The following IQCM variants were observed in gnomAD, a reference collection of about 807,000 sequenced individuals.
IQCM encodes the protein IQ domain-containing protein M.
A neutral mutation model predicts 57.6 loss-of-function variants in IQCM; 45 were observed. That is an observed-to-expected ratio of 0.78 (90% CI 0.62 to 1.00). IQCM has a LOEUF of 1.00. IQCM is among the 50% of genes least tolerant of loss of function. The pLI is 0.00. For synonymous variants in IQCM, 148 were observed against 158.9 expected (o/e 0.93, Z 0.51); for missense variants, 468 against 511.6 (o/e 0.91, Z 0.82).
chr4:149,567,503 C>A (rs1238226703), intron 9 of IQCM, among the ~76,000 whole-genome samples: 1 of 151,936 alleles, frequency 6.6e-6, no homozygotes, highest in Non-Finnish European at 1.5e-5. Flanking sequence ...TGTGCCACCA[C>A]ACACAGCTAA....
chr4:149,485,859 A>G (rs549864551), intron 12 of IQCM, among the ~76,000 whole-genome samples: 1 of 152,258 alleles, frequency 6.6e-6, no homozygotes, highest in South Asian at 2.1e-4. Flanking sequence ...CTTTCCAGGT[A>G]TTCAAAGAGA....
chr4:149,604,056 C>T (rs531219390), intron 8 of IQCM, among the ~76,000 whole-genome samples: 148 of 152,168 alleles, frequency 9.7e-4, no homozygotes, highest in Middle Eastern at 6.8e-3. Flanking sequence ...AAAAAGTTTT[C>T]ATAATATATA....
chr4:149,426,077 AAGAG>A (rs1734442001), intron 13 of IQCM, among the ~76,000 whole-genome samples: 1 of 151,968 alleles, frequency 6.6e-6, no homozygotes, highest in African/African-American at 2.4e-5. Flanking sequence ...AGAATATTCT[AAGAG>A]TTCTACAGCC....
At chr4:149,582,140 G>C (rs938369899) in intron 9 of IQCM, among the ~76,000 whole-genome samples, 2 of 150,468 alleles carry the variant, frequency 1.3e-5, no homozygotes, top group African/African-American at 4.9e-5. Flanking sequence ...GCCAAGCAGA[G>C]ATTAAAAATG....
intron 8 of IQCM, among the ~76,000 whole-genome samples, chr4:149,602,726 T>C (rs1754427049): frequency 6.6e-6 from 1 of 152,126 alleles, no homozygotes; most frequent in African/African-American, 2.4e-5. Context: ...AAGTTAATAA[T>C]AGCTATAATA....
intron 8 of IQCM, among the ~76,000 whole-genome samples, chr4:149,603,174 G>T (rs559275127): frequency 6.6e-6 from 1 of 152,006 alleles, no homozygotes; most frequent in Non-Finnish European, 1.5e-5. Flanking sequence ...TGGCCACTAA[G>T]TATTGTTATA....
intron 2 of IQCM, among the ~76,000 whole-genome samples, chr4:149,769,627 T>C (rs945295150): frequency 6.7e-6 from 1 of 149,490 alleles, no homozygotes; most frequent in Non-Finnish European, 1.5e-5. Flanking sequence ...AATAAAAAAA[T>C]GGAGTAGCTA....
chr4:149,704,268 A>G (rs1286364624), intron 5 of IQCM, among the ~76,000 whole-genome samples: 3 of 152,016 alleles, frequency 2.0e-5, no homozygotes, highest in African/African-American at 7.2e-5. Context: ...CTACACAATC[A>G]TGTATCATCT....
intron 7 of IQCM, among the ~76,000 whole-genome samples, chr4:149,642,962 T>C (rs1295476909): frequency 6.6e-6 from 1 of 152,118 alleles, no homozygotes; most frequent in Non-Finnish European, 1.5e-5. Flanking sequence ...TTCTAAGACA[T>C]TTATATTCAA....
chr4:149,583,326 T>A (rs149515227), intron 9 of IQCM, among the ~76,000 whole-genome samples: 1 of 151,654 alleles, frequency 6.6e-6, no homozygotes, highest in Admixed American at 6.6e-5. Context: ...TATCAATAAT[T>A]AAAGCAAATT....
At chr4:149,597,541 C>G (rs1753896336) in intron 8 of IQCM, among the ~76,000 whole-genome samples, 1 of 152,144 alleles carries the variant, frequency 6.6e-6, no homozygotes, top group Non-Finnish European at 1.5e-5. Flanking sequence ...CAGGCCCACG[C>G]CACCATGGCC....
At chr4:149,529,854 T>A (rs1579381366) in intron 12 of IQCM, among the ~76,000 whole-genome samples, 1 of 152,192 alleles carries the variant, frequency 6.6e-6, no homozygotes, top group African/African-American at 2.4e-5. Context: ...ATATAAGTCA[T>A]ATGAAGTCTC....
chr4:149,449,010 T>C (rs1736801040), intron 12 of IQCM, among the ~76,000 whole-genome samples: 1 of 151,568 alleles, frequency 6.6e-6, no homozygotes, highest in South Asian at 2.1e-4. Context: ...ACAAGGCAAA[T>C]ATATTCCAAG....
rs555277207 is a variant in IQCM at position 149,655,497 on chromosome 4, C to A, written c.565+26621G>T. 5.3e-5 allele frequency among the ~76,000 whole-genome samples: 8 copies of A among 152,170 alleles called. No homozygotes were observed. The East Asian group carries it at 1.5e-3, about 29-fold the overall frequency. ...AAGAAGATCAGGCAAGATGTGTTTT[C>A]AGATAATAAAACATTTGTCTTTATG... On this transcript the variant is annotated intron_variant, in intron 7 of 13. Transcript: ENST00000636793.
intron 12 of IQCM, among the ~76,000 whole-genome samples, chr4:149,439,710 TTAA>T (rs1375857790): frequency 2.6e-5 from 4 of 152,102 alleles, no homozygotes; most frequent in Admixed American, 2.0e-4. Flanking sequence ...GTTAAATCCA[TTAA>T]TGAGACTTTG....
intron 8 of IQCM, among the ~76,000 whole-genome samples, chr4:149,611,461 A>G: frequency 6.6e-6 from 1 of 152,272 alleles, no homozygotes; most frequent in Middle Eastern, 3.4e-3. Flanking sequence ...GAATGAATAA[A>G]GAAAGTATGG....
At chr4:149,441,667 T>C (rs577058430) in intron 12 of IQCM, among the ~76,000 whole-genome samples, 1 of 152,314 alleles carries the variant, frequency 6.6e-6, no homozygotes, top group South Asian at 2.1e-4. Flanking sequence ...GGCAGTGTTC[T>C]ACTGATTTAA....
intron 12 of IQCM, among the ~76,000 whole-genome samples, chr4:149,525,964 T>C: frequency 6.6e-6 from 1 of 151,808 alleles, no homozygotes; most frequent in South Asian, 2.1e-4. Context: ...GAGCTACGTA[T>C]ATATGAAGAG....
In IQCM at chr4:149,778,143, A is replaced by G. The variant is rs1340367096; in HGVS notation, c.-48-35404T>C. ...TGTAATCCCAGCACTTTGGGAGGCCAAGGCGGGTGGATCACGAGGTCAGGA... is the reference window on the plus strand; with the variant it reads ...TGTAATCCCAGCACTTTGGGAGGCCGAGGCGGGTGGATCACGAGGTCAGGA... On this transcript the variant is annotated intron_variant, in intron 2 of 13. Transcript: ENST00000636793. 1.4e-4 allele frequency among the ~76,000 whole-genome samples: 21 copies of G among 152,258 alleles called. No individual in the cohort carries two copies. The East Asian group carries it at 3.7e-3, about 27-fold the overall frequency.
Sources: allele counts gnomAD v4.1 joint callset (sites outside exome capture counted in the v4.1 genomes callset), GRCh38; gene constraint gnomAD v4.1.1; transcripts MANE v1.5; gene names NCBI Gene and HGNC (gene_info 2026-07-23, HGNC 2026-07-21).